GALNT12: variants seen among roughly 807,000 people sequenced by gnomAD.
GALNT12 encodes UDP-GalNAc:polypeptide N-acetylgalactosaminyltransferase 12.
A neutral mutation model predicts 55.5 loss-of-function variants in GALNT12; 45 were observed. The ratio of observed to expected loss-of-function variants is 0.81; its 90% CI spans 0.64 to 1.04. The LOEUF is 1.04. Ranked by LOEUF, GALNT12 falls within the 50% of genes least tolerant of loss-of-function variation. GALNT12 has a pLI of 0.00. For missense variants in GALNT12, 709 were observed against 754.8 expected, an observed-to-expected ratio of 0.94 and a Z score of 0.71; for synonymous variants, 304 against 312.2, an observed-to-expected ratio of 0.97 and a Z score of 0.28.
At chr9:98,828,305 CTT>C (rs1007636610) in intron 3 of GALNT12, among the ~76,000 whole-genome samples, 3 of 152,220 alleles carry the variant, frequency 2.0e-5, no homozygotes, top group Non-Finnish European at 4.4e-5. Context: ...ATAGCTGTCT[CTT>C]TCTCCTCCTC....
chr9:98,823,942 T>C (rs1588445069), intron 2 of GALNT12, among the ~76,000 whole-genome samples: 1 of 151,986 alleles, frequency 6.6e-6, no homozygotes, highest in African/African-American at 2.4e-5. Context: ...GCCAACGGAG[T>C]AGCATCAGCC....
In GALNT12 at chr9:98,849,948, G is replaced by C. The variant is rs1836513140; in HGVS notation, c.*856G>C. On this transcript the variant is annotated 3_prime_UTR_variant, in exon 10 of 10. Transcript: ENST00000375011. ...CAGTTATTAATTTAAATCAGCGTTA[G>C]AGTTTGTGCTGCTGCAACTGCTGTG... is the stretch of plus-strand genomic sequence containing the variant. 2 of 225,054 alleles carry C rather than the reference G, an allele frequency of 8.9e-6. No individual in the cohort carries two copies. Among genetic ancestry groups the C allele is most frequent in the Middle Eastern group, 1.4e-3 (1 of 736 alleles). The allele number at this position is 225,054 out of a possible 1,614,324, so 13.9% of individuals were successfully genotyped here. A position where few individuals can be genotyped will look rare whatever the true frequency, so the allele number is the denominator to read the frequency against.
intron 1 of GALNT12, among the ~76,000 whole-genome samples, chr9:98,814,689 G>GAA (rs776065355): frequency 7.5e-6 from 1 of 133,460 alleles, no homozygotes. Context: ...CAGCCTGGGT[G>GAA]AAAAAAAAAA....
intron 7 of GALNT12, among the ~76,000 whole-genome samples, chr9:98,843,598 G>A (rs943677518): frequency 6.6e-6 from 1 of 152,076 alleles, no homozygotes; most frequent in African/African-American, 2.4e-5. Context: ...GTAGAGATGC[G>A]GTTTTGCCGT....
intron 3 of GALNT12, among the ~76,000 whole-genome samples, chr9:98,831,543 T>G (rs2295926): frequency 6.6e-6 from 1 of 151,986 alleles, no homozygotes; most frequent in African/African-American, 2.4e-5. Flanking sequence ...ATTAAAGTCA[T>G]GGGACTTTTT....
intron 9 of GALNT12, 98 bp from the exon 10 acceptor site, chr9:98,848,854 T>C: frequency 1.4e-6 from 2 of 1,430,588 alleles, no homozygotes; most frequent in African/African-American, 1.4e-5. Context: ...TAAATATTTC[T>C]GAAATGGTAA....
chr9:98,809,230 C>T (rs1320564339), intron 1 of GALNT12, among the ~76,000 whole-genome samples: 2 of 152,218 alleles, frequency 1.3e-5, no homozygotes, highest in East Asian at 3.8e-4. Flanking sequence ...CCACCTCTGC[C>T]CCACTGTTTC....
intron 3 of GALNT12, among the ~76,000 whole-genome samples, chr9:98,830,806 A>G (rs1346494324): frequency 1.3e-5 from 2 of 152,146 alleles, no homozygotes; most frequent in East Asian, 3.8e-4. Flanking sequence ...TGTAATTCTT[A>G]CCCCAGAGTG....
chr9:98,810,045 G>C (rs1835462443), intron 1 of GALNT12, among the ~76,000 whole-genome samples: 1 of 151,932 alleles, frequency 6.6e-6, no homozygotes, highest in Non-Finnish European at 1.5e-5. Flanking sequence ...AGCTGTGTGG[G>C]TCTCTGTTGG....
intron 9 of GALNT12, among the ~76,000 whole-genome samples, chr9:98,846,495 T>A (rs1052134387): frequency 6.6e-6 from 1 of 152,082 alleles, no homozygotes; most frequent in Admixed American, 6.5e-5. Flanking sequence ...AGTGTAAGGA[T>A]GTTAGCCAAA....
chr9:98,839,042 C>G (rs926194144), intron 6 of GALNT12, among the ~76,000 whole-genome samples: 1 of 152,046 alleles, frequency 6.6e-6, no homozygotes, highest in African/African-American at 2.4e-5. Flanking sequence ...GCTTCTGCCT[C>G]CTCCGTCTTG....
intron 8 of GALNT12, among the ~76,000 whole-genome samples, chr9:98,844,849 C>T (rs1836376123): frequency 1.3e-5 from 2 of 151,996 alleles, no homozygotes; most frequent in African/African-American, 4.8e-5. Flanking sequence ...AGAAAAGGAC[C>T]CCCAGCCCTG....
At chr9:98,845,849 G>A (rs571535653) in intron 8 of GALNT12, 128 bp from the exon 9 acceptor site, 6 of 910,052 alleles carry the variant, frequency 6.6e-6, no homozygotes, top group East Asian at 2.6e-5. Flanking sequence ...ACACAGGCTC[G>A]TGTTGGTGGT....
At chr9:98,833,514 G>T (rs182889091) in intron 4 of GALNT12, among the ~76,000 whole-genome samples, 1 of 152,308 alleles carries the variant, frequency 6.6e-6, no homozygotes, top group East Asian at 1.9e-4. Flanking sequence ...GTGCCATGTG[G>T]TGAGGGCCCT....
intron 2 of GALNT12, among the ~76,000 whole-genome samples, chr9:98,825,483 G>T (rs1459097455): frequency 1.3e-5 from 2 of 152,188 alleles, no homozygotes. Context: ...TAAGCTTGAT[G>T]AAAGGGTGTC....
At chr9:98,813,802 G>A (rs1033647457) in intron 1 of GALNT12, among the ~76,000 whole-genome samples, 1 of 60,358 alleles carries the variant, frequency 1.7e-5, no homozygotes, top group Non-Finnish European at 3.1e-5. Flanking sequence ...GCCCAGCCAA[G>A]AGATTTAAAA....
In GALNT12 at chr9:98,844,484, G is replaced by A. The variant is rs1836368129; in HGVS notation, c.1458+275G>A. Reference sequence around the variant, plus strand: ...CATTCCCTTCATCTACTTTTCTTATGTTATTAGATACCCCTTGAGAATATC... The same window carrying A: ...CATTCCCTTCATCTACTTTTCTTATATTATTAGATACCCCTTGAGAATATC... On this transcript the variant is annotated intron_variant, in intron 8 of 9. Coordinates refer to ENST00000375011, the MANE Select transcript of GALNT12 (RefSeq NM_024642.5). 1.4e-5 allele frequency: 6 copies of A among 424,382 alleles called. 1 individual carries two copies. The highest frequency in any genetic ancestry group is 1.4e-4 in the South Asian group (6 of 44,214). The allele number at this position is 424,382 out of a possible 1,614,324, so 26.3% of individuals were successfully genotyped here. A position where few individuals can be genotyped will look rare whatever the true frequency, so the allele number is the denominator to read the frequency against.
chr9:98,842,783 A>G (rs956986060), intron 7 of GALNT12, among the ~76,000 whole-genome samples: 1 of 151,336 alleles, frequency 6.6e-6, no homozygotes. Context: ...CACCGTTGTA[A>G]CTTAAATTTT....
At chr9:98,817,078 G>A (rs775565155) in intron 1 of GALNT12, among the ~76,000 whole-genome samples, 2 of 151,898 alleles carry the variant, frequency 1.3e-5, no homozygotes, top group Non-Finnish European at 2.9e-5. Flanking sequence ...CACCCGCCTC[G>A]GCCTCCCGAA....
Sources: gnomAD v4.1 joint callset for allele counts (sites outside exome capture counted in the v4.1 genomes callset) on GRCh38, gnomAD v4.1.1 for gene constraint, MANE v1.5 for transcripts, NCBI Gene and HGNC (gene_info 2026-07-23, HGNC 2026-07-21) for gene names.